XKR9: variants seen among roughly 807,000 people sequenced by gnomAD.
The protein encoded by XKR9 is XK related 9.
A neutral mutation model predicts 32.0 loss-of-function variants in XKR9; 32 were observed. That is an observed-to-expected ratio of 1.00 (90% CI 0.76 to 1.34). The LOEUF (loss-of-function observed/expected upper bound fraction) is 1.34, where lower values mean the gene tolerates loss of function less well. XKR9 is among the 40% of genes most tolerant of loss of function. XKR9 has a pLI of 0.00. For synonymous variants in XKR9, 168 were observed against 143.4 expected (o/e 1.17, Z -1.22); for missense variants, 546 against 429.7 (o/e 1.27, Z -2.39).
At chr8:70,753,716 C>T (rs923920570) in intron 2 of XKR9, among the ~76,000 whole-genome samples, 32 of 151,920 alleles carry the variant, frequency 2.1e-4, no homozygotes, top group African/African-American at 5.1e-4. Context: ...AATTCAACAA[C>T]GCTTCATGCT....
At chr8:70,697,897 C>A (rs1805346729) in intron 3 of XKR9, among the ~76,000 whole-genome samples, 1 of 151,928 alleles carries the variant, frequency 6.6e-6, no homozygotes, top group Admixed American at 6.6e-5. Context: ...TCAACTTCTT[C>A]CTGGTTTAGT....
At chr8:70,669,635 TGTGTA>T (rs750124976) in intron 1 of XKR9, 97 bp downstream of exon 1, 9,789 of 67,768 alleles carry the variant, frequency 0.14, 346 homozygotes, top group South Asian at 0.17. Context: ...TGTGTGTGTG[TGTGTA>T]GTAGTAGTAG....
At chr8:70,765,171 G>T (rs1396741427) in intron 2 of XKR9, among the ~76,000 whole-genome samples, 2 of 152,138 alleles carry the variant, frequency 1.3e-5, no homozygotes, top group Non-Finnish European at 2.9e-5. Context: ...TCACCACATT[G>T]TCTTCCACAA....
chr8:70,795,839 T>C, the XKR9 span, among the ~76,000 whole-genome samples: 2 of 152,088 alleles, frequency 1.3e-5, no homozygotes, highest in Non-Finnish European at 2.9e-5. Context: ...TTGTTTGTTT[T>C]GTTTCTTGCA....
At chr8:70,815,900 G>A in the XKR9 span, among the ~76,000 whole-genome samples, 2 of 152,034 alleles carry the variant, frequency 1.3e-5, no homozygotes, top group Non-Finnish European at 2.9e-5. Flanking sequence ...TCATTGATGG[G>A]CATTTAAGTT....
the XKR9 span, among the ~76,000 whole-genome samples, chr8:70,810,406 C>A: frequency 6.6e-6 from 1 of 152,186 alleles, no homozygotes; most frequent in Non-Finnish European, 1.5e-5. Flanking sequence ...AACCAGCTAA[C>A]ATCATAATGA....
At chr8:70,703,657 A>G (rs556327677) in intron 3 of XKR9, among the ~76,000 whole-genome samples, 8 of 152,122 alleles carry the variant, frequency 5.3e-5, no homozygotes, top group African/African-American at 9.7e-5. Flanking sequence ...ATGTTCACCA[A>G]TCCTACTTTT....
chr8:70,912,032 G>C, the XKR9 span, among the ~76,000 whole-genome samples: 1 of 152,176 alleles, frequency 6.6e-6, no homozygotes, highest in East Asian at 1.9e-4. Flanking sequence ...CTTGGGTGGA[G>C]AAGGAAGGTG....
the XKR9 span, among the ~76,000 whole-genome samples, chr8:70,954,924 G>A: frequency 6.6e-6 from 1 of 152,202 alleles, no homozygotes. Context: ...GCAAGCTGGG[G>A]AAGACATCAG....
chr8:70,865,986 C>T, the XKR9 span, among the ~76,000 whole-genome samples: 4 of 152,164 alleles, frequency 2.6e-5, no homozygotes, highest in African/African-American at 9.7e-5. Flanking sequence ...TAAGATCCTG[C>T]TGCTAATTTA....
the XKR9 span, among the ~76,000 whole-genome samples, chr8:70,796,535 T>C: frequency 6.6e-6 from 1 of 152,182 alleles, no homozygotes; most frequent in Non-Finnish European, 1.5e-5. Flanking sequence ...TTTGGCTTCA[T>C]TGATTTTCTT....
intron 4 of XKR9, among the ~76,000 whole-genome samples, chr8:70,728,732 C>G (rs1431300932): frequency 6.6e-6 from 1 of 152,150 alleles, no homozygotes; most frequent in Non-Finnish European, 1.5e-5. Flanking sequence ...CATGATAGAA[C>G]TAATTTGTTT....
the XKR9 span, among the ~76,000 whole-genome samples, chr8:71,027,950 T>G: frequency 1.3e-5 from 2 of 152,120 alleles, no homozygotes; most frequent in African/African-American, 4.8e-5. Context: ...AAAAAAATTT[T>G]TTTTGTAGAG....
chr8:70,744,033 T>C (rs552097682), intron 2 of XKR9, among the ~76,000 whole-genome samples: 1 of 152,274 alleles, frequency 6.6e-6, no homozygotes, highest in South Asian at 2.1e-4. Flanking sequence ...TCAGTAATCT[T>C]TCTGTAATGT....
chr8:70,897,002 G>T, the XKR9 span, among the ~76,000 whole-genome samples: 1 of 151,760 alleles, frequency 6.6e-6, no homozygotes, highest in Non-Finnish European at 1.5e-5. Context: ...TGTACCAATG[G>T]ACCATCCCCC....
At chr8:70,745,557 G>A (rs1317945673) in intron 2 of XKR9, among the ~76,000 whole-genome samples, 1 of 152,086 alleles carries the variant, frequency 6.6e-6, no homozygotes, top group Non-Finnish European at 1.5e-5. Flanking sequence ...CTTTTTAGTA[G>A]GCATTAGGTA....
the XKR9 span, among the ~76,000 whole-genome samples, chr8:70,939,974 A>T: frequency 6.6e-6 from 1 of 152,062 alleles, no homozygotes; most frequent in Non-Finnish European, 1.5e-5. Flanking sequence ...GAGTTACACA[A>T]CTTTGTGTAA....
the XKR9 span, among the ~76,000 whole-genome samples, chr8:70,941,269 T>A: frequency 1.3e-5 from 2 of 152,094 alleles, no homozygotes; most frequent in South Asian, 2.1e-4. Context: ...GTAATACTTT[T>A]CAGGTTACAC....
the XKR9 span, among the ~76,000 whole-genome samples, chr8:70,796,170 A>G: frequency 6.6e-6 from 1 of 152,056 alleles, no homozygotes; most frequent in Non-Finnish European, 1.5e-5. Context: ...ACAGGTAATA[A>G]GCATAGTACA....
Sources: allele counts gnomAD v4.1 joint callset (sites outside exome capture counted in the v4.1 genomes callset), GRCh38; gene constraint gnomAD v4.1.1; transcripts MANE v1.5; gene names NCBI Gene and HGNC (gene_info 2026-07-23, HGNC 2026-07-21).